Variants in MOB1B observed in about 807,000 individuals in gnomAD.
MOB1B encodes the protein MOB kinase activator 1B, also known as MOB1 Mps One Binder homolog B.
In MOB1B, 19 loss-of-function variants were observed where a neutral mutation model predicts 24.4. The observed-to-expected ratio is 0.78, with a 90% CI of 0.54 to 1.14. The LOEUF (loss-of-function observed/expected upper bound fraction) is 1.14. MOB1B is among the 50% of genes most tolerant of loss of function. The pLI is 0.00. For missense variants in MOB1B, 243 were observed against 259.6 expected (o/e 0.94, Z 0.44); for synonymous variants, 76 against 82.1 (o/e 0.93, Z 0.40).
intron 1 of MOB1B, among the ~76,000 whole-genome samples, chr4:70,937,178 A>G (rs1306891617): frequency 6.6e-6 from 1 of 152,104 alleles, no homozygotes; most frequent in Non-Finnish European, 1.5e-5. Context: ...TCAACTTCCC[A>G]AAGTGCTGGG....
At position 70,987,905 on chromosome 4, in the gene MOB1B, A is replaced by G. The variant is rs1739431996; in HGVS notation, c.*5848A>G. On this transcript the variant is annotated 3_prime_UTR_variant, in exon 6 of 6. Transcript: ENST00000309395. ...AATCATCTAAGTTATGAAATCCAAC[A>G]TAGGCGCTATATTACAAACTGTGCC... is the stretch of plus-strand genomic sequence containing the variant. 1 of 152,644 alleles carries G rather than the reference A, an allele frequency of 6.6e-6. No homozygotes were observed. 9.5% of individuals were successfully genotyped at this position (152,644 alleles called of 1,614,324 possible).
chr4:70,935,322 G>A (rs1737037217), intron 1 of MOB1B, among the ~76,000 whole-genome samples: 2 of 152,094 alleles, frequency 1.3e-5, no homozygotes, highest in Admixed American at 6.6e-5. Flanking sequence ...GGGAATCTGG[G>A]CAATTCTCTA....
chr4:70,972,721 T>C (rs1362224374), intron 3 of MOB1B, among the ~76,000 whole-genome samples: 1 of 151,962 alleles, frequency 6.6e-6, no homozygotes, highest in Non-Finnish European at 1.5e-5. Flanking sequence ...GATTAGGGAG[T>C]CTTAGTTGTA....
Position 70,982,174 on chromosome 4 carries a change from CT to C in MOB1B, c.*119del. On this transcript the variant is annotated 3_prime_UTR_variant, in exon 6 of 6. Coordinates refer to ENST00000309395, the MANE Select transcript of MOB1B (RefSeq NM_173468.4). ...TTTGTCCTAGGTTTGGGGGCGGGGGCTTGTTTGGGTTCCTTTTTCTTTATTC... is the reference window on the plus strand; with the variant it reads ...TTTGTCCTAGGTTTGGGGGCGGGGGCTGTTTGGGTTCCTTTTTCTTTATTC... The C allele has an allele frequency of 6.2e-6, 4 of 646,312 alleles. No homozygotes were observed. Among genetic ancestry groups the C allele is most frequent in the Non-Finnish European group, 7.8e-6 (3 of 382,354 alleles). 40.0% of individuals were successfully genotyped at this position (646,312 alleles called of 1,614,324 possible).
intron 1 of MOB1B, among the ~76,000 whole-genome samples, chr4:70,935,597 A>ATG (rs1342627079): frequency 6.6e-6 from 1 of 151,890 alleles, no homozygotes; most frequent in Non-Finnish European, 1.5e-5. Flanking sequence ...AACTTGGTGA[A>ATG]TGTGTGTGTG....
At chr4:70,967,385 C>T (rs948344863) in intron 2 of MOB1B, among the ~76,000 whole-genome samples, 1 of 152,208 alleles carries the variant, frequency 6.6e-6, no homozygotes, top group East Asian at 1.9e-4. Context: ...CCACCCACCT[C>T]AGCCTCCCAA....
At chr4:70,966,500 G>T (rs150552556) in intron 2 of MOB1B, among the ~76,000 whole-genome samples, 1,629 of 151,546 alleles carry the variant, frequency 0.011, 27 homozygotes, top group African/African-American at 0.038. Flanking sequence ...TCAGCCTCCC[G>T]AGTAGCTGGG....
intron 1 of MOB1B, among the ~76,000 whole-genome samples, chr4:70,940,367 G>C (rs530146751): frequency 1.3e-5 from 2 of 152,268 alleles, no homozygotes; most frequent in South Asian, 2.1e-4. Context: ...AGGTTGCAGT[G>C]AGCTAAGATC....
intron 1 of MOB1B, among the ~76,000 whole-genome samples, chr4:70,953,007 A>G (rs1028501592): frequency 6.3e-4 from 88 of 140,618 alleles, no homozygotes; most frequent in African/African-American, 1.6e-3. Flanking sequence ...AAGTGGTGCA[A>G]TTTTGGCTCA....
At chr4:70,980,774 C>CGAG (rs1452545834) in intron 5 of MOB1B, among the ~76,000 whole-genome samples, 1 of 152,174 alleles carries the variant, frequency 6.6e-6, no homozygotes, top group Non-Finnish European at 1.5e-5. Context: ...TTTCTGGGCT[C>CGAG]CATTCTTTTG....
rs1465042829 is a variant in MOB1B at position 70,967,766 on chromosome 4, A to G, written c.182-2165A>G. Among the ~76,000 whole-genome samples the G allele has an allele frequency of 3.9e-5, 6 of 152,326 alleles. No homozygotes were observed. The South Asian group carries it at 6.2e-4, about 16-fold the overall frequency. ...CATCAAAAATATCAACCTAGGAACA[A>G]ATCTAATGAAACCTGGAAACTATTC... is the stretch of plus-strand genomic sequence containing the variant. On this transcript the variant is annotated intron_variant, in intron 2 of 5. Transcript: ENST00000309395.
rs193292306 is a variant in MOB1B, at chr4:70,949,766, G to A, written c.15-9108G>A. Among the ~76,000 whole-genome samples the A allele has an allele frequency of 3.3e-5, 5 of 152,064 alleles. No individual in the cohort carries two copies. In the East Asian group the frequency reaches 5.8e-4, roughly 18 times the overall value. On this transcript the variant is annotated intron_variant, in intron 1 of 5. Coordinates refer to ENST00000309395, the MANE Select transcript of MOB1B (RefSeq NM_173468.4). Reference sequence around the variant, plus strand: ...AAAATAATTAGCTGGACATGGTGGCGTGAACCTGTGGTCCCAACTACTTGG... The same window carrying A: ...AAAATAATTAGCTGGACATGGTGGCATGAACCTGTGGTCCCAACTACTTGG...
At chr4:70,957,820 A>G (rs953205591) in intron 1 of MOB1B, among the ~76,000 whole-genome samples, 3 of 143,284 alleles carry the variant, frequency 2.1e-5, no homozygotes, top group Non-Finnish European at 4.5e-5. Context: ...TGCTGTGTCT[A>G]TTCACAGGTG....
chr4:70,927,724 G>C (rs1250203191), intron 1 of MOB1B, among the ~76,000 whole-genome samples: 1 of 152,090 alleles, frequency 6.6e-6, no homozygotes. Context: ...TTCCACTTTA[G>C]CATCTTGGTT....
At chr4:70,904,958 C>T (rs990100300) in intron 1 of MOB1B, among the ~76,000 whole-genome samples, 1 of 152,086 alleles carries the variant, frequency 6.6e-6, no homozygotes, top group Non-Finnish European at 1.5e-5. Context: ...AGAAATCTTG[C>T]TGTAACTAAT....
At chr4:70,956,085 GTTTA>G (rs1738035780) in intron 1 of MOB1B, among the ~76,000 whole-genome samples, 1 of 151,998 alleles carries the variant, frequency 6.6e-6, no homozygotes, top group South Asian at 2.1e-4. Context: ...CAAATTTGGT[GTTTA>G]TTACATTGTC....
chr4:70,959,044 A>G lies in MOB1B; in HGVS notation c.181+4A>G, dbSNP rs1164931298. The G allele has an allele frequency of 1.2e-6, 2 of 1,613,114 alleles. No individual in the cohort carries two copies. Among genetic ancestry groups the G allele is most frequent in the East Asian group, 2.2e-5 (1 of 44,866 alleles). On this transcript the variant is annotated splice_donor_region_variant and intron_variant, in intron 2 of 5. Transcript: ENST00000309395. ...AATGAATGGGTTGCAGTTAACAGTA[A>G]GTAGCCTTTTTATTTCTCAGTAGCC... is the stretch of plus-strand genomic sequence containing the variant.
intron 1 of MOB1B, among the ~76,000 whole-genome samples, chr4:70,943,385 A>G (rs2148886101): frequency 6.6e-6 from 1 of 152,348 alleles, no homozygotes; most frequent in South Asian, 2.1e-4. Context: ...GATGACATCC[A>G]GTATCTCAAC....
chr4:70,952,415 G>A (rs1255791617), intron 1 of MOB1B, among the ~76,000 whole-genome samples: 2 of 151,752 alleles, frequency 1.3e-5, no homozygotes, highest in African/African-American at 2.4e-5. Context: ...AGGCCGAGGT[G>A]GGCGGATCAC....
Sources: gnomAD v4.1 joint callset for allele counts (sites outside exome capture counted in the v4.1 genomes callset) on GRCh38, gnomAD v4.1.1 for gene constraint, MANE v1.5 for transcripts, NCBI Gene and HGNC (gene_info 2026-07-23, HGNC 2026-07-21) for gene names.